Variants in SLC28A2 observed in about 807,000 individuals in gnomAD.
SLC28A2 encodes solute carrier family 28 member 2, also known as sodium/nucleoside cotransporter 2.
A neutral mutation model predicts 72.9 loss-of-function variants in SLC28A2; 69 were observed. The ratio of observed to expected loss-of-function variants is 0.95; its 90% CI spans 0.78 to 1.16. The LOEUF (loss-of-function observed/expected upper bound fraction) is 1.16, where lower values mean the gene tolerates loss of function less well. Ranked by LOEUF, SLC28A2 falls within the 50% of genes most tolerant of loss-of-function variation. SLC28A2 has a pLI of 0.00. For missense variants in SLC28A2, 745 were observed against 791.1 expected (o/e 0.94, Z 0.70); for synonymous variants, 296 against 294.1 (o/e 1.01, Z -0.07).
Position 45,267,545 on chromosome 15 carries a change from T to G in SLC28A2, c.1033T>G (p.Ser345Ala), listed in dbSNP as rs1471662189. 2 of 1,614,154 alleles carry G rather than the reference T, an allele frequency of 1.2e-6. No homozygotes were observed. The highest frequency in any genetic ancestry group is 1.7e-6 in the Non-Finnish European group (2 of 1,180,010). ...GATGACTGGAGGGTTTGCCACCATT[T>G]CTGGCACTGTGCTGGGAGCCTTCAT... ...AVMTGGFATI[S>A]GTVLGAFIAF... Residue 345 changes from serine to alanine, a missense_variant, in exon 11 of 18, where the codon TCT (serine) becomes GCT (alanine). Physicochemically the swap from Ser to Ala is moderately conservative, Grantham distance 99. Coordinates refer to ENST00000347644, the MANE Select transcript of SLC28A2 (RefSeq NM_004212.4).
chr15:45,256,957 A>G (rs528895259), intron 3 of SLC28A2, among the ~76,000 whole-genome samples: 43 of 152,226 alleles, frequency 2.8e-4, no homozygotes, highest in Non-Finnish European at 5.0e-4. Context: ...AATTCTCCCC[A>G]AAACCTCTTC....
intron 17 of SLC28A2, among the ~76,000 whole-genome samples, chr15:45,273,379 G>A (rs925502481): frequency 3.3e-5 from 5 of 152,120 alleles, no homozygotes; most frequent in Non-Finnish European, 5.9e-5. Context: ...AATATGAAAA[G>A]AAGAGGATAT....
Position 45,262,117 on chromosome 15 carries a change from G to C in SLC28A2, c.262+11G>C. Reference sequence around the variant, plus strand: ...GCCTGTTGTGTTTGGGTGAGATATTGAGAATTCATGAAAGTGAGAAACACA... The same window carrying C: ...GCCTGTTGTGTTTGGGTGAGATATTCAGAATTCATGAAAGTGAGAAACACA... On this transcript the variant is annotated intron_variant, in intron 4 of 17. Coordinates refer to ENST00000347644, the MANE Select transcript of SLC28A2 (RefSeq NM_004212.4). 2 of 1,559,302 alleles carry C rather than the reference G, an allele frequency of 1.3e-6. No homozygotes were observed. Among genetic ancestry groups the C allele is most frequent in the Non-Finnish European group, 1.8e-6 (2 of 1,130,580 alleles).
Position 45,253,210 on chromosome 15 carries a change from C to G in SLC28A2, c.-6C>G, listed in dbSNP as rs369355867. The G allele has an allele frequency of 3.1e-6, 5 of 1,608,892 alleles. No individual in the cohort carries two copies. Among genetic ancestry groups the G allele is most frequent in the Non-Finnish European group, 3.4e-6 (4 of 1,175,548 alleles). ...GAATTTGTTTTTCAGTTGAGGAGAACAGGAGATGGAGAAAGCAAGTGGAAG... is the reference window on the plus strand; with the variant it reads ...GAATTTGTTTTTCAGTTGAGGAGAAGAGGAGATGGAGAAAGCAAGTGGAAG... On this transcript the variant is annotated 5_prime_UTR_variant, in exon 2 of 18. Transcript: ENST00000347644.
chr15:45,270,354 AGTACAAG>A, intron 15 of SLC28A2, 78 bp downstream of exon 15: 2 of 964,356 alleles, frequency 2.1e-6, no homozygotes, highest in Non-Finnish European at 3.4e-6. Flanking sequence ...CTGGTGCTTC[AGTACAAG>A]CTGGGATCAG....
intron 3 of SLC28A2, chr15:45,253,767 G>T (rs1194237182): frequency 2.0e-5 from 7 of 348,258 alleles, no homozygotes; most frequent in Admixed American, 4.3e-5. Context: ...AACAGATTTT[G>T]AGTGTATACT....
Position 45,267,538 on chromosome 15 carries a change from C to T in SLC28A2, c.1026C>T (p.Ala342=), listed in dbSNP as rs1039414376. 6.2e-7 allele frequency: 1 copy of T among 1,614,018 alleles called. No homozygotes were observed. Among genetic ancestry groups the T allele is most frequent in the African/African-American group, 1.3e-5 (1 of 74,906 alleles). ...ATGCGGTGATGACTGGAGGGTTTGC[C>T]ACCATTTCTGGCACTGTGCTGGGAG... ...EIHAVMTGGF[A]TISGTVLGAF... The change falls in exon 11 of 18, where the codon GCC becomes GCT. Residue 342 remains alanine (A), a synonymous_variant. Transcript: ENST00000347644.
Position 45,266,432 on chromosome 15 carries a change from T to C in SLC28A2, c.942+271T>C, listed in dbSNP as rs906743361. Among the ~76,000 whole-genome samples the C allele has an allele frequency of 2.6e-5, 4 of 152,150 alleles. No individual in the cohort carries two copies. In the South Asian group the frequency reaches 6.2e-4, roughly 24 times the overall value. ...TTCCTACGTAGGAATGTAGGGAATG[T>C]CCTCGTCCAATTCATATCCCCTTTC... On this transcript the variant is annotated intron_variant, in intron 10 of 17. Coordinates refer to ENST00000347644, the MANE Select transcript of SLC28A2 (RefSeq NM_004212.4).
intron 3 of SLC28A2, among the ~76,000 whole-genome samples, chr15:45,258,829 G>T (rs370789513): frequency 4.6e-5 from 7 of 152,146 alleles, no homozygotes; most frequent in Non-Finnish European, 1.0e-4. Flanking sequence ...TTTTAGTAAA[G>T]ATAAATACAC....
intron 3 of SLC28A2, among the ~76,000 whole-genome samples, chr15:45,261,273 G>A (rs1320983747): frequency 1.3e-5 from 2 of 152,226 alleles, no homozygotes; most frequent in African/African-American, 4.8e-5. Context: ...TAAGAGCTCA[G>A]ATGCTGAAGC....
intron 3 of SLC28A2, among the ~76,000 whole-genome samples, chr15:45,256,995 G>C (rs550205674): frequency 6.6e-6 from 1 of 152,240 alleles, no homozygotes; most frequent in African/African-American, 2.4e-5. Context: ...TATCCAACTT[G>C]ACTTTCCAAC....
rs1900252677 is a variant in SLC28A2 at position 45,264,162 on chromosome 15, A to G, written c.588+140A>G. On this transcript the variant is annotated intron_variant, in intron 6 of 17. Transcript: ENST00000347644. ...ACCCCTAGAATTTGCCTCTTTGATA[A>G]TTTTGTTTCTAAGATAAGTTTAAAA... 3.8e-6 allele frequency: 3 copies of G among 783,422 alleles called. No individual in the cohort carries two copies. In the East Asian group the frequency reaches 8.6e-5, roughly 22 times the overall value. The allele number at this position is 783,422 out of a possible 1,614,324, so 48.5% of individuals were successfully genotyped here. A position where few individuals can be genotyped will look rare whatever the true frequency, so the allele number is the denominator to read the frequency against.
In SLC28A2 at chr15:45,262,109, G is replaced by C. The variant is rs376464022; in HGVS notation, c.262+3G>C. The C allele has an allele frequency of 2.1e-5, 34 of 1,585,002 alleles. No homozygotes were observed. The highest frequency in any genetic ancestry group is 2.8e-5 in the Non-Finnish European group (32 of 1,153,946). On this transcript the variant is annotated splice_donor_region_variant and intron_variant, in intron 4 of 17. Coordinates refer to ENST00000347644, the MANE Select transcript of SLC28A2 (RefSeq NM_004212.4). ...CCTGTTGGGCCTGTTGTGTTTGGGTGAGATATTGAGAATTCATGAAAGTGA... is the reference window on the plus strand; with the variant it reads ...CCTGTTGGGCCTGTTGTGTTTGGGTCAGATATTGAGAATTCATGAAAGTGA...
chr15:45,272,316 A>G lies in SLC28A2; in HGVS notation c.1670A>G (p.Lys557Arg). 3.1e-6 allele frequency: 5 copies of G among 1,613,904 alleles called. No homozygotes were observed. The highest frequency in any genetic ancestry group is 4.2e-6 in the Non-Finnish European group (5 of 1,179,986). Residue 557 changes from lysine (K) to arginine (R), a missense_variant, in exon 16 of 18, where the codon AAG becomes AGG. Physicochemically the swap from Lys to Arg is conservative, Grantham distance 26. Coordinates refer to ENST00000347644, the MANE Select transcript of SLC28A2 (RefSeq NM_004212.4). ...GCAGCATCAATAGTACCTCACCGGA[A>G]GAGTGACTTGTCCAAGGTTGTGGTC... ...GGLTSIVPHRKSDLSKVVVRA... is the reference protein window; with the variant it reads ...GGLTSIVPHRRSDLSKVVVRA...
At chr15:45,258,147 T>C (rs542209466) in intron 3 of SLC28A2, among the ~76,000 whole-genome samples, 637 of 152,242 alleles carry the variant, frequency 4.2e-3, no homozygotes, top group Non-Finnish European at 7.8e-3. Flanking sequence ...TTCTTGAACC[T>C]GGGAGGCGGA....
chr15:45,266,291 G>T, intron 10 of SLC28A2, 130 bp downstream of exon 10: 1 of 697,600 alleles, frequency 1.4e-6, no homozygotes, highest in South Asian at 1.7e-5. Flanking sequence ...TTGGATGAGA[G>T]ATAACTCAGC....
chr15:45,275,547 C>A lies in SLC28A2; in HGVS notation c.*34C>A. 7.3e-7 allele frequency: 1 copy of A among 1,378,706 alleles called. No individual in the cohort carries two copies. The highest frequency in any genetic ancestry group is 1.0e-6 in the Non-Finnish European group (1 of 971,150). 85.4% of individuals were successfully genotyped at this position (1,378,706 alleles called of 1,614,324 possible). ...GATCTATTTCTATAACAGTTTTGAT[C>A]TTAAAAGCTTTGTGATTGCAAAGGT... On this transcript the variant is annotated 3_prime_UTR_variant, in exon 18 of 18. Transcript: ENST00000347644.
chr15:45,253,500 G>C lies in SLC28A2; in HGVS notation c.150G>C (p.Leu50=), dbSNP rs1160197737. 2 of 1,612,582 alleles carry C rather than the reference G, an allele frequency of 1.2e-6. No homozygotes were observed. Among genetic ancestry groups the C allele is most frequent in the African/African-American group, 2.7e-5 (2 of 74,882 alleles). ...AAGGACACAGCCTGGGGGATGGACT[G>C]GGCCCTTCCACTTACCAGAGGTACT... ...DAQGHSLGDG[L]GPSTYQRRSR... is the part of the protein sequence containing the mutation. Residue 50 remains leucine, a synonymous_variant, in exon 3 of 18, where the codon CTG becomes CTC. Coordinates refer to ENST00000347644, the MANE Select transcript of SLC28A2 (RefSeq NM_004212.4).
intron 10 of SLC28A2, 45 bp downstream of exon 10, chr15:45,266,206 G>A (rs955603001): frequency 8.1e-6 from 11 of 1,358,960 alleles, no homozygotes; most frequent in African/African-American, 1.4e-5. Context: ...CTGAGGAACT[G>A]AGAATTTGGC....
Sources: gnomAD v4.1 joint callset for allele counts (sites outside exome capture counted in the v4.1 genomes callset) on GRCh38, gnomAD v4.1.1 for gene constraint, MANE v1.5 for transcripts, NCBI Gene and HGNC (gene_info 2026-07-23, HGNC 2026-07-21) for gene names.